The following GRID2 variants were observed in gnomAD, a reference collection of about 807,000 sequenced individuals.
GRID2 encodes glutamate ionotropic receptor delta type subunit 2, also known as glutamate receptor ionotropic, delta-2.
A neutral mutation model predicts 114.8 loss-of-function variants in GRID2; 33 were observed. The observed-to-expected ratio is 0.29, with a 90% confidence interval of 0.22 to 0.38. The LOEUF (loss-of-function observed/expected upper bound fraction) is 0.38, where lower values mean the gene tolerates loss of function less well. Among genes scored for constraint, GRID2 ranks in the 10% least tolerant of loss-of-function variants. GRID2 has a pLI of 1.00. For missense variants in GRID2, 1,184 were observed against 1,257.7 expected (o/e 0.94, Z 0.89); for synonymous variants, 505 against 449.9 (o/e 1.12, Z -1.55).
intron 1 of GRID2, among the ~76,000 whole-genome samples, chr4:92,354,559 T>G (rs1365842532): frequency 6.6e-6 from 1 of 152,038 alleles, no homozygotes; most frequent in Admixed American, 6.6e-5. Context: ...TTTAAAAGAA[T>G]ATATTACTCT....
intron 13 of GRID2, among the ~76,000 whole-genome samples, chr4:93,566,118 C>T (rs1456478804): frequency 1.3e-5 from 2 of 152,000 alleles, no homozygotes; most frequent in African/African-American, 4.8e-5. Context: ...CTGGCACAAG[C>T]GAAGAACCCA....
At chr4:93,420,898 C>T (rs902925662) in intron 9 of GRID2, among the ~76,000 whole-genome samples, 28 of 152,134 alleles carry the variant, frequency 1.8e-4, no homozygotes, top group Non-Finnish European at 2.8e-4. Context: ...GGACTACAGG[C>T]GCCTGCCACC....
At chr4:93,694,717 C>T (rs1205422399) in intron 14 of GRID2, among the ~76,000 whole-genome samples, 13 of 151,978 alleles carry the variant, frequency 8.6e-5, no homozygotes, top group African/African-American at 2.9e-4. Context: ...GTCGACCACC[C>T]GTTTAACTGT....
At chr4:92,705,648 T>G (rs1734918470) in intron 2 of GRID2, among the ~76,000 whole-genome samples, 1 of 152,196 alleles carries the variant, frequency 6.6e-6, no homozygotes, top group Admixed American at 6.5e-5. Flanking sequence ...CTCAGGGGAA[T>G]TTAATTTGCC....
chr4:93,335,669 TTC>T (rs759474503), intron 8 of GRID2, among the ~76,000 whole-genome samples: 1 of 144,586 alleles, frequency 6.9e-6, no homozygotes, highest in Non-Finnish European at 1.5e-5. Flanking sequence ...TTCTTGTTTT[TTC>T]TCTCTCTCTT....
At chr4:92,741,664 A>G (rs1455484014) in intron 2 of GRID2, among the ~76,000 whole-genome samples, 1 of 152,014 alleles carries the variant, frequency 6.6e-6, no homozygotes, top group African/African-American at 2.4e-5. Flanking sequence ...ATGTCCCCCA[A>G]CTCTAGCCTT....
At chr4:93,217,031 A>G in intron 6 of GRID2, 120 bp downstream of exon 6, 4 of 652,652 alleles carry the variant, frequency 6.1e-6, no homozygotes, top group Non-Finnish European at 1.1e-5. Context: ...ATTCTCCTCC[A>G]GCAATTTCAT....
chr4:92,433,468 G>A (rs535606049), intron 1 of GRID2, among the ~76,000 whole-genome samples: 47 of 152,326 alleles, frequency 3.1e-4, no homozygotes, highest in African/African-American at 1.1e-3. Flanking sequence ...TCTCATCTAA[G>A]TGCTTCCTCT....
intron 2 of GRID2, among the ~76,000 whole-genome samples, chr4:93,081,023 A>G (rs1396603661): frequency 6.6e-6 from 1 of 152,182 alleles, no homozygotes; most frequent in Non-Finnish European, 1.5e-5. Flanking sequence ...TAGTGCCCCC[A>G]TGACCCAAAC....
At chr4:93,787,687 C>G (rs1340898381) in intron 1 of GRID2, among the ~76,000 whole-genome samples, 2 of 152,140 alleles carry the variant, frequency 1.3e-5, no homozygotes, top group Non-Finnish European at 2.9e-5. Flanking sequence ...GTTTATTACT[C>G]TTTCTTCAGT....
chr4:92,713,606 T>A (rs1304855511), intron 2 of GRID2, among the ~76,000 whole-genome samples: 1 of 149,638 alleles, frequency 6.7e-6, no homozygotes, highest in African/African-American at 2.5e-5. Context: ...ACTGGGCAAT[T>A]TGCAAAAGAA....
intron 2 of GRID2, among the ~76,000 whole-genome samples, chr4:92,811,536 C>T (rs925745097): frequency 3.3e-5 from 5 of 152,020 alleles, no homozygotes; most frequent in Admixed American, 2.6e-4. Flanking sequence ...CCCAAATTTA[C>T]CTAAATGATT....
At chr4:93,404,313 A>G (rs1766198399) in intron 9 of GRID2, among the ~76,000 whole-genome samples, 1 of 152,138 alleles carries the variant, frequency 6.6e-6, no homozygotes, top group South Asian at 2.1e-4. Flanking sequence ...ACTGACTGCA[A>G]TGATGATTGC....
chr4:92,905,786 T>A (rs1747903990), intron 2 of GRID2, among the ~76,000 whole-genome samples: 1 of 145,898 alleles, frequency 6.9e-6, no homozygotes, highest in Non-Finnish European at 1.5e-5. Context: ...ATGTAGCTGC[T>A]GGGAGGTATT....
intron 2 of GRID2, among the ~76,000 whole-genome samples, chr4:92,942,255 G>A (rs1278107158): frequency 2.1e-5 from 3 of 143,590 alleles, no homozygotes; most frequent in South Asian, 4.7e-4. Flanking sequence ...GGGTGCTCCT[G>A]TATTGGGTGC....
At chr4:92,433,424 G>A (rs796972330) in intron 1 of GRID2, among the ~76,000 whole-genome samples, 30 of 152,316 alleles carry the variant, frequency 2.0e-4, no homozygotes, top group African/African-American at 7.0e-4. Context: ...CTTAGGTTCC[G>A]ACTGCTGGGA....
intron 2 of GRID2, among the ~76,000 whole-genome samples, chr4:93,065,769 C>T (rs950869208): frequency 6.6e-6 from 1 of 151,864 alleles, no homozygotes; most frequent in African/African-American, 2.4e-5. Flanking sequence ...TTATCTACAA[C>T]TGTTAACAGT....
chr4:93,380,165 C>G (rs1763722030), intron 8 of GRID2, among the ~76,000 whole-genome samples: 1 of 151,896 alleles, frequency 6.6e-6, no homozygotes, highest in African/African-American at 2.4e-5. Context: ...GAGTGGGCTC[C>G]AAATCTAATG....
intron 2 of GRID2, among the ~76,000 whole-genome samples, chr4:92,599,796 G>A (rs1169335121): frequency 2.0e-5 from 3 of 151,882 alleles, no homozygotes; most frequent in South Asian, 4.2e-4. Flanking sequence ...GGAGGCCAAG[G>A]CAGATGGATC....
Sources: allele counts gnomAD v4.1 joint callset (sites outside exome capture counted in the v4.1 genomes callset), GRCh38; gene constraint gnomAD v4.1.1; transcripts MANE v1.5; gene names NCBI Gene and HGNC (gene_info 2026-07-23, HGNC 2026-07-21).